The following HCN1 variants were observed in gnomAD, a reference collection of about 807,000 sequenced individuals.
HCN1 encodes the protein potassium/sodium hyperpolarization-activated cyclic nucleotide-gated channel 1.
In HCN1, 13 loss-of-function variants were observed where a neutral mutation model predicts 78.9. That is an observed-to-expected ratio of 0.16 (90% CI 0.11 to 0.26). The LOEUF is 0.26. HCN1 is among the 10% of genes least tolerant of loss of function. The probability of loss-of-function intolerance (pLI) is 1.00; values close to 1 mark genes in which losing one functional copy is unlikely to be tolerated. For synonymous variants in HCN1, 552 were observed against 455.5 expected (o/e 1.21, Z -2.70); for missense variants, 810 against 1,154.3 (o/e 0.70, Z 4.32).
chr5:45,535,432 T>C (rs1742945669), intron 2 of HCN1, among the ~76,000 whole-genome samples: 2 of 151,994 alleles, frequency 1.3e-5, no homozygotes, highest in South Asian at 4.1e-4. Context: ...ACCCCGTCTT[T>C]ACAAAAAATA....
At chr5:45,561,821 TAAC>T (rs1421241934) in intron 2 of HCN1, among the ~76,000 whole-genome samples, 1 of 152,134 alleles carries the variant, frequency 6.6e-6, no homozygotes, top group African/African-American at 2.4e-5. Flanking sequence ...CATACTTACT[TAAC>T]AAAATCCTAA....
chr5:45,297,184 G>GGC (rs1223816643), intron 6 of HCN1, among the ~76,000 whole-genome samples: 1 of 152,058 alleles, frequency 6.6e-6, no homozygotes, highest in African/African-American at 2.4e-5. Context: ...CGAAGAGATG[G>GGC]GCTGAATTAA....
At chr5:45,350,397 G>A (rs1746865958) in intron 5 of HCN1, among the ~76,000 whole-genome samples, 1 of 152,116 alleles carries the variant, frequency 6.6e-6, no homozygotes, top group East Asian at 1.9e-4. Context: ...AGCTATCTAT[G>A]ACAAACCCAC....
chr5:45,343,026 A>C (rs1746618048), intron 5 of HCN1, among the ~76,000 whole-genome samples: 1 of 152,220 alleles, frequency 6.6e-6, no homozygotes, highest in South Asian at 2.1e-4. Flanking sequence ...AAATAAGATA[A>C]ATAGAAATAA....
chr5:45,561,520 A>C (rs1561201622), intron 2 of HCN1, among the ~76,000 whole-genome samples: 1 of 152,070 alleles, frequency 6.6e-6, no homozygotes, highest in Non-Finnish European at 1.5e-5. Context: ...TATTACTAAG[A>C]TAAAATACCT....
intron 1 of HCN1, among the ~76,000 whole-genome samples, chr5:45,694,696 T>C (rs753430421): frequency 1.3e-5 from 2 of 152,184 alleles, no homozygotes; most frequent in African/African-American, 2.4e-5. Flanking sequence ...TCCAGCCTTG[T>C]TCAGGAGCTA....
At chr5:45,374,359 C>T (rs1001140226) in intron 4 of HCN1, among the ~76,000 whole-genome samples, 47 of 138,840 alleles carry the variant, frequency 3.4e-4, no homozygotes, top group African/African-American at 1.2e-3. Context: ...TATACATATC[C>T]CTCAGAGAGA....
At chr5:45,347,228 G>A (rs1464823238) in intron 5 of HCN1, among the ~76,000 whole-genome samples, 1 of 152,180 alleles carries the variant, frequency 6.6e-6, no homozygotes, top group African/African-American at 2.4e-5. Context: ...CTGTTCTGCA[G>A]CCACCGCTGC....
chr5:45,357,035 T>G (rs1356682528), intron 4 of HCN1, among the ~76,000 whole-genome samples: 2 of 151,924 alleles, frequency 1.3e-5, no homozygotes, highest in Non-Finnish European at 2.9e-5. Context: ...TTTAGTATTA[T>G]TTTTTTTCTA....
intron 2 of HCN1, among the ~76,000 whole-genome samples, chr5:45,526,836 T>C (rs988512263): frequency 2.6e-5 from 4 of 152,036 alleles, no homozygotes; most frequent in African/African-American, 9.7e-5. Context: ...TGAGCCAAGC[T>C]ACCATGCTCA....
chr5:45,401,500 AG>A (rs900912740), intron 3 of HCN1, among the ~76,000 whole-genome samples: 1 of 152,134 alleles, frequency 6.6e-6, no homozygotes, highest in African/African-American at 2.4e-5. Flanking sequence ...TAGTTTATGT[AG>A]GAAAATTAAA....
chr5:45,353,125 T>G lies in HCN1; in HGVS notation c.1352A>C (p.Asn451Thr). The G allele has an allele frequency of 6.2e-7, 1 of 1,611,356 alleles. No homozygotes were observed. The highest frequency in any genetic ancestry group is 8.5e-7 in the Non-Finnish European group (1 of 1,178,272). Residue 451 changes from asparagine to threonine, a missense_variant, in exon 5 of 8, where the codon AAT becomes ACT. By Grantham distance (65) the Asn-to-Thr change is moderately conservative. Around this residue, in one of 6 missense-constraint regions of HCN1, gnomAD observed 100 missense variants for 126.8 expected, o/e 0.79. Transcript: ENST00000303230. ...GKIFDEENIL[N>T]ELNDPLREEI... The stretch of plus-strand genomic sequence containing the variant: ...CTCTCTCAGAGGATCATTGAGTTCA[T>G]TGAGAATATTTTCCTCATCAAAGAT...
intron 5 of HCN1, among the ~76,000 whole-genome samples, chr5:45,348,005 A>G (rs1746786925): frequency 6.6e-6 from 1 of 152,196 alleles, no homozygotes; most frequent in Non-Finnish European, 1.5e-5. Context: ...GATTCAGGAA[A>G]TACAGAGAAC....
intron 5 of HCN1, among the ~76,000 whole-genome samples, chr5:45,307,319 T>A (rs551347227): frequency 6.6e-6 from 1 of 152,218 alleles, no homozygotes; most frequent in East Asian, 1.9e-4. Flanking sequence ...AGTTGGAGAA[T>A]AATTACCAAA....
chr5:45,410,943 A>G (rs1215129061), intron 3 of HCN1, among the ~76,000 whole-genome samples: 1 of 152,102 alleles, frequency 6.6e-6, no homozygotes, highest in Non-Finnish European at 1.5e-5. Context: ...TATCATGTGT[A>G]GACTCCTTGA....
intron 5 of HCN1, among the ~76,000 whole-genome samples, chr5:45,310,140 T>G (rs1353396962): frequency 2.0e-5 from 3 of 151,964 alleles, no homozygotes; most frequent in Admixed American, 6.6e-5. Flanking sequence ...CAAAAGCAAC[T>G]GCAACAAATC....
At chr5:45,640,522 C>CA (rs1745432265) in intron 2 of HCN1, among the ~76,000 whole-genome samples, 2 of 151,608 alleles carry the variant, frequency 1.3e-5, no homozygotes, top group South Asian at 4.2e-4. Context: ...TATTGACTGT[C>CA]ACGATAGAGT....
chr5:45,630,160 AT>A (rs1435650178), intron 2 of HCN1, among the ~76,000 whole-genome samples: 1 of 152,086 alleles, frequency 6.6e-6, no homozygotes, highest in Non-Finnish European at 1.5e-5. Flanking sequence ...TGTTCAAATT[AT>A]AGCACACGCC....
At chr5:45,683,898 T>A (rs2112092855) in intron 1 of HCN1, among the ~76,000 whole-genome samples, 1 of 152,206 alleles carries the variant, frequency 6.6e-6, no homozygotes, top group African/African-American at 2.4e-5. Context: ...CTGAAACTCC[T>A]GAGCTCAAGA....
Sources: gnomAD v4.1 joint callset for allele counts (sites outside exome capture counted in the v4.1 genomes callset) on GRCh38, gnomAD v4.1.1 for gene constraint, gnomAD v4.1.1 regional missense constraint, MANE v1.5 for transcripts, NCBI Gene and HGNC (gene_info 2026-07-23, HGNC 2026-07-21) for gene names.